KCNJ3: variants seen among roughly 807,000 people sequenced by gnomAD.
The protein encoded by KCNJ3 is G protein-activated inward rectifier potassium channel 1.
KCNJ3 carries 4 observed loss-of-function variants against 39.2 expected under a neutral mutation model. The ratio of observed to expected loss-of-function variants is 0.10; its 90% CI spans 0.05 to 0.23. The LOEUF (loss-of-function observed/expected upper bound fraction) is 0.23, where lower values mean the gene tolerates loss of function less well. Among genes scored for constraint, KCNJ3 ranks in the 10% least tolerant of loss-of-function variants. KCNJ3 has a pLI of 1.00. For synonymous variants in KCNJ3, 230 were observed against 237.4 expected, an observed-to-expected ratio of 0.97 and a Z score of 0.29; for missense variants, 276 against 634.9, an observed-to-expected ratio of 0.43 and a Z score of 6.08.
At position 154,855,440 on chromosome 2, in the gene KCNJ3, AC is replaced by A. The variant is rs1687820416; in HGVS notation, c.*130del. 2 of 678,060 alleles carry A rather than the reference AC, an allele frequency of 2.9e-6. No homozygotes were observed. Among genetic ancestry groups the A allele is most frequent in the East Asian group, 5.5e-5 (2 of 36,330 alleles). The allele number at this position is 678,060 out of a possible 1,614,324, so 42.0% of individuals were successfully genotyped here. On this transcript the variant is annotated 3_prime_UTR_variant, in exon 3 of 3. Transcript: ENST00000295101. Reference sequence around the variant, plus strand: ...CCCAGTTCTACAAGCATATTTGAGAACCCTTCCTTTCCCAAGTATTGCGAAT... The same window carrying A: ...CCCAGTTCTACAAGCATATTTGAGAACCTTCCTTTCCCAAGTATTGCGAAT...
chr2:154,854,805 T>C lies in KCNJ3; in HGVS notation c.998T>C (p.Leu333Ser). ...WGHRFFPVIS[L>S]EEGFFKVDYS... ...CATCGTTTTTTTCCTGTAATTTCCT[T>C]AGAAGAGGGATTCTTTAAAGTTGAT... Residue 333 changes from leucine (L) to serine (S), a missense_variant, in exon 3 of 3, where the codon TTA (leucine) becomes TCA (serine). Transcript: ENST00000295101. 3 of 1,613,926 alleles carry C rather than the reference T, an allele frequency of 1.9e-6. No homozygotes were observed. Among genetic ancestry groups the C allele is most frequent in the Non-Finnish European group, 2.5e-6 (3 of 1,179,902 alleles).
chr2:154,725,917 A>G (rs191801956), intron 2 of KCNJ3, among the ~76,000 whole-genome samples: 5 of 152,302 alleles, frequency 3.3e-5, no homozygotes, highest in Non-Finnish European at 7.4e-5. Flanking sequence ...ATGTAGAAGA[A>G]TGAAACTTGA....
chr2:154,754,000 A>G (rs1238185152), intron 2 of KCNJ3, among the ~76,000 whole-genome samples: 2 of 152,166 alleles, frequency 1.3e-5, no homozygotes, highest in African/African-American at 2.4e-5. Flanking sequence ...ATTTTTTACT[A>G]TGAATCTTAC....
intron 2 of KCNJ3, among the ~76,000 whole-genome samples, chr2:154,756,280 A>G (rs1685935227): frequency 6.6e-6 from 1 of 152,168 alleles, no homozygotes; most frequent in African/African-American, 2.4e-5. Flanking sequence ...TCTTATAGAC[A>G]AGGTTCTAGC....
Position 154,776,032 on chromosome 2 carries a change from G to A in KCNJ3, c.919+66213G>A, listed in dbSNP as rs558596794. On this transcript the variant is annotated intron_variant, in intron 2 of 2. Transcript: ENST00000295101. ...TTTTTTTTTTTTGAGATGGAATTTCGCTCTTGTTGCCTAGGCTGGAGTGTA... is the reference window on the plus strand; with the variant it reads ...TTTTTTTTTTTTGAGATGGAATTTCACTCTTGTTGCCTAGGCTGGAGTGTA... Among the ~76,000 whole-genome samples the A allele has an allele frequency of 4.1e-5, 6 of 147,196 alleles. No homozygotes were observed. The South Asian group carries it at 6.4e-4, about 16-fold the overall frequency.
intron 2 of KCNJ3, among the ~76,000 whole-genome samples, chr2:154,817,279 A>G (rs908088862): frequency 3.3e-5 from 5 of 152,134 alleles, no homozygotes; most frequent in African/African-American, 9.7e-5. Context: ...AACACTTCTG[A>G]TTTAAATTTC....
intron 2 of KCNJ3, among the ~76,000 whole-genome samples, chr2:154,802,166 TA>T (rs1181464035): frequency 6.6e-6 from 1 of 152,190 alleles, no homozygotes; most frequent in East Asian, 1.9e-4. Context: ...AATTTTTTTT[TA>T]GGTTTTTAAG....
chr2:154,847,924 T>A (rs1558890638), intron 2 of KCNJ3, among the ~76,000 whole-genome samples: 1 of 152,264 alleles, frequency 6.6e-6, no homozygotes, highest in East Asian at 1.9e-4. Flanking sequence ...CTGATATGAC[T>A]TACTTACTGT....
intron 2 of KCNJ3, among the ~76,000 whole-genome samples, chr2:154,834,200 T>C (rs932988317): frequency 3.3e-5 from 5 of 152,174 alleles, no homozygotes; most frequent in African/African-American, 1.2e-4. Context: ...CTTACCAGCA[T>C]TCGGTATTGT....
At chr2:154,705,600 C>T (rs955059006) in intron 1 of KCNJ3, among the ~76,000 whole-genome samples, 2 of 151,976 alleles carry the variant, frequency 1.3e-5, no homozygotes, top group African/African-American at 4.8e-5. Flanking sequence ...TGTGACACAA[C>T]CCTTAAATTC....
chr2:154,855,733 G>A lies in KCNJ3; in HGVS notation c.*420G>A, dbSNP rs527298420. The stretch of plus-strand genomic sequence containing the variant: ...GGGCGATAAAACTAAATATATGTCT[G>A]TGTGTGTGTGTGTATGTATACACAC... On this transcript the variant is annotated 3_prime_UTR_variant, in exon 3 of 3. Transcript: ENST00000295101. The A allele has an allele frequency of 3.9e-5, 6 of 153,440 alleles. No individual in the cohort carries two copies. The highest frequency in any genetic ancestry group is 9.7e-5 in the African/African-American group (4 of 41,144). The allele number at this position is 153,440 out of a possible 1,614,324, so 9.5% of individuals were successfully genotyped here. A position where few individuals can be genotyped will look rare whatever the true frequency, so the allele number is the denominator to read the frequency against.
chr2:154,789,743 A>C (rs1452724833), intron 2 of KCNJ3, among the ~76,000 whole-genome samples: 2 of 152,100 alleles, frequency 1.3e-5, no homozygotes, highest in African/African-American at 4.8e-5. Flanking sequence ...GTTGATGTTC[A>C]GTGTAAAAAT....
rs550989794 is a variant in KCNJ3 at position 154,705,046 on chromosome 2, G to A, written c.703-4557G>A. Among the ~76,000 whole-genome samples the A allele has an allele frequency of 2.0e-5, 3 of 152,306 alleles. No individual in the cohort carries two copies. In the South Asian group the frequency reaches 6.2e-4, roughly 32 times the overall value. ...TTCCAGCAAGGACTTGTGAAAGGTG[G>A]TTAGGCATGGATCAAACTTTAGAAT... On this transcript the variant is annotated intron_variant, in intron 1 of 2. Coordinates refer to ENST00000295101, the MANE Select transcript of KCNJ3 (RefSeq NM_002239.4).
At chr2:154,768,136 T>C (rs1362802864) in intron 2 of KCNJ3, among the ~76,000 whole-genome samples, 1 of 152,242 alleles carries the variant, frequency 6.6e-6, no homozygotes, top group Non-Finnish European at 1.5e-5. Context: ...TTCTGTAGGT[T>C]GCCTGTTCAC....
intron 2 of KCNJ3, among the ~76,000 whole-genome samples, chr2:154,741,289 A>G (rs1685650954): frequency 6.6e-6 from 1 of 151,966 alleles, no homozygotes; most frequent in South Asian, 2.1e-4. Context: ...CACAGACCAC[A>G]TTCTGATAAC....
At chr2:154,786,469 A>G (rs1176754811) in intron 2 of KCNJ3, among the ~76,000 whole-genome samples, 1 of 152,206 alleles carries the variant, frequency 6.6e-6, no homozygotes, top group Non-Finnish European at 1.5e-5. Context: ...GCTATCCACC[A>G]AAGCTGTATA....
intron 2 of KCNJ3, among the ~76,000 whole-genome samples, chr2:154,795,539 A>G (rs1190111706): frequency 6.6e-6 from 1 of 152,056 alleles, no homozygotes; most frequent in Non-Finnish European, 1.5e-5. Context: ...TTAAATCAGT[A>G]ATCTGTTGCA....
chr2:154,808,311 C>T (rs1046949184), intron 2 of KCNJ3, among the ~76,000 whole-genome samples: 1 of 151,808 alleles, frequency 6.6e-6, no homozygotes, highest in African/African-American at 2.4e-5. Flanking sequence ...GAACTCCTGA[C>T]CTCAGGTGAT....
chr2:154,785,513 G>T (rs755029706), intron 2 of KCNJ3, among the ~76,000 whole-genome samples: 2 of 152,158 alleles, frequency 1.3e-5, no homozygotes, highest in African/African-American at 4.8e-5. Flanking sequence ...CCACTCTCAC[G>T]GGTGAATTAA....
Sources: gnomAD v4.1 joint callset for allele counts (sites outside exome capture counted in the v4.1 genomes callset) on GRCh38, gnomAD v4.1.1 for gene constraint, MANE v1.5 for transcripts, NCBI Gene and HGNC (gene_info 2026-07-23, HGNC 2026-07-21) for gene names.